Variants in KIAA1549 observed in about 807,000 individuals in gnomAD.
The protein encoded by KIAA1549 is UPF0606 protein KIAA1549.
KIAA1549 carries 70 observed loss-of-function variants against 156.4 expected under a neutral mutation model. The observed-to-expected ratio is 0.45, with a 90% CI of 0.37 to 0.55. KIAA1549 has a LOEUF of 0.55. Ranked by LOEUF, KIAA1549 falls within the 20% of genes least tolerant of loss-of-function variation. The probability of loss-of-function intolerance (pLI) is 0.00; values close to 1 mark genes in which losing one functional copy is unlikely to be tolerated. For missense variants in KIAA1549, 2,428 were observed against 2,540.9 expected, an observed-to-expected ratio of 0.96 and a Z score of 0.96; for synonymous variants, 1,103 against 1,066.4, an observed-to-expected ratio of 1.03 and a Z score of -0.67.
At chr7:138,908,943 C>T (rs749024787) in intron 5 of KIAA1549, 48 bp downstream of exon 5, 1 of 1,604,756 alleles carries the variant, frequency 6.2e-7, no homozygotes, top group South Asian at 1.1e-5. Flanking sequence ...GAACAATTTC[C>T]CCTTCAAGGG....
chr7:138,921,456 G>A (rs2130488140), intron 1 of KIAA1549, among the ~76,000 whole-genome samples: 1 of 152,280 alleles, frequency 6.6e-6, no homozygotes, highest in Non-Finnish European at 1.5e-5. Flanking sequence ...TGAAATCCCA[G>A]GACCTCACAA....
At chr7:138,884,497 A>G (rs1391600406) in intron 10 of KIAA1549, among the ~76,000 whole-genome samples, 2 of 152,246 alleles carry the variant, frequency 1.3e-5, no homozygotes, top group African/African-American at 4.8e-5. Context: ...AACCGAGATT[A>G]TAAGACAGAT....
intron 10 of KIAA1549, among the ~76,000 whole-genome samples, chr7:138,884,061 A>G (rs994299050): frequency 6.6e-6 from 1 of 152,178 alleles, no homozygotes; most frequent in Non-Finnish European, 1.5e-5. Context: ...AGAGGGGCTG[A>G]AGGTTAAGTT....
At chr7:138,932,817 G>A (rs952870679) in intron 1 of KIAA1549, among the ~76,000 whole-genome samples, 12 of 152,144 alleles carry the variant, frequency 7.9e-5, no homozygotes, top group Non-Finnish European at 1.6e-4. Flanking sequence ...ATGACCCCCA[G>A]GTAATTCATG....
At chr7:138,922,226 T>C (rs1229870303) in intron 1 of KIAA1549, among the ~76,000 whole-genome samples, 1 of 152,236 alleles carries the variant, frequency 6.6e-6, no homozygotes, top group Non-Finnish European at 1.5e-5. Context: ...TCCTAACAAC[T>C]GTATGCTTAG....
Position 138,840,285 on chromosome 7 carries a change from G to T in KIAA1549, c.5453-7C>A, listed in dbSNP as rs765046535. On this transcript the variant is annotated splice_region_variant and splice_polypyrimidine_tract_variant and intron_variant, in intron 18 of 19. Transcript: ENST00000422774. Reference sequence around the variant, plus strand: ...AGGTGCTGGATCTGGGAGCCTGGAAGGAACATGGTGGAGTGGCCTGGTCAA... The same window carrying T: ...AGGTGCTGGATCTGGGAGCCTGGAATGAACATGGTGGAGTGGCCTGGTCAA... 1 of 1,599,620 alleles carries T rather than the reference G, an allele frequency of 6.3e-7. No homozygotes were observed. Among genetic ancestry groups the T allele is most frequent in the Non-Finnish European group, 8.5e-7 (1 of 1,173,306 alleles).
rs1809758153 is a variant in KIAA1549, at chr7:138,837,614, A to G, written c.*292T>C. The stretch of plus-strand genomic sequence containing the variant: ...CTACCTTTAAAAAAGAGACGAATGC[A>G]GTCATTTTGTTAGCTTAGGTTTGTG... On this transcript the variant is annotated 3_prime_UTR_variant, in exon 20 of 20. Coordinates refer to ENST00000422774, the MANE Select transcript of KIAA1549 (RefSeq NM_001164665.2). The G allele has an allele frequency of 3.7e-6, 2 of 538,548 alleles. No homozygotes were observed. Among genetic ancestry groups the G allele is most frequent in the East Asian group, 5.9e-5 (2 of 33,934 alleles). 33.4% of individuals were successfully genotyped at this position (538,548 alleles called of 1,614,324 possible). A position where few individuals can be genotyped will look rare whatever the true frequency, so the allele number is the denominator to read the frequency against.
intron 19 of KIAA1549, 35 bp downstream of exon 19, chr7:138,840,098 A>C (rs1398184382): frequency 1.3e-6 from 2 of 1,535,134 alleles, no homozygotes; most frequent in East Asian, 4.9e-5. Flanking sequence ...CCTATGTCTA[A>C]ATTTTAAATG....
intron 12 of KIAA1549, among the ~76,000 whole-genome samples, chr7:138,871,792 T>C (rs559355670): frequency 6.6e-6 from 1 of 152,204 alleles, no homozygotes; most frequent in Non-Finnish European, 1.5e-5. Flanking sequence ...GCTGGAGTGA[T>C]ACAAATTCAG....
chr7:138,971,189 C>T (rs1264312593), intron 1 of KIAA1549, among the ~76,000 whole-genome samples: 3 of 152,194 alleles, frequency 2.0e-5, no homozygotes, highest in Non-Finnish European at 2.9e-5. Context: ...GGGCCCTTGC[C>T]ACTGCCTGGC....
intron 18 of KIAA1549, among the ~76,000 whole-genome samples, chr7:138,842,604 A>T (rs57046942): frequency 1.3e-5 from 2 of 152,026 alleles, no homozygotes; most frequent in African/African-American, 4.8e-5. Context: ...GAGGCAGGAG[A>T]ATCGCTTGAA....
At chr7:138,978,381 T>C (rs1584797894) in intron 1 of KIAA1549, among the ~76,000 whole-genome samples, 1 of 152,228 alleles carries the variant, frequency 6.6e-6, no homozygotes, top group Non-Finnish European at 1.5e-5. Context: ...GTTTTTATAC[T>C]GTGGATGGCT....
intron 1 of KIAA1549, among the ~76,000 whole-genome samples, chr7:138,944,751 T>C (rs1454074950): frequency 6.6e-6 from 1 of 152,052 alleles, no homozygotes; most frequent in Non-Finnish European, 1.5e-5. Flanking sequence ...TCAACACAGA[T>C]GAACCTTGAA....
At chr7:138,846,730 C>T (rs1301948433) in intron 17 of KIAA1549, among the ~76,000 whole-genome samples, 1 of 152,074 alleles carries the variant, frequency 6.6e-6, no homozygotes, top group Non-Finnish European at 1.5e-5. Flanking sequence ...GAGAACTTCA[C>T]CTTGAGAACC....
intron 1 of KIAA1549, among the ~76,000 whole-genome samples, chr7:138,927,321 G>A (rs1186724002): frequency 6.6e-6 from 1 of 152,208 alleles, no homozygotes; most frequent in Non-Finnish European, 1.5e-5. Context: ...ATGTACATGT[G>A]TAGATATGTA....
chr7:138,919,543 C>T, intron 1 of KIAA1549, 105 bp from the exon 2 acceptor site: 1 of 1,502,130 alleles, frequency 6.7e-7, no homozygotes, highest in East Asian at 2.3e-5. Context: ...CATCCATTCA[C>T]CATAAATATC....
chr7:138,833,648 TATATATAG>T lies in KIAA1549; in HGVS notation c.*4250_*4257del, dbSNP rs1466751986. ...TAGGTAGCAGTAAAGAAGCTGAATA[TATATATAG>T]ATAGATAGACAGATACATAGACAGA... On this transcript the variant is annotated 3_prime_UTR_variant, in exon 20 of 20. Transcript: ENST00000422774. The T allele has an allele frequency of 2.2e-5, 5 of 231,520 alleles. No homozygotes were observed. The highest frequency in any genetic ancestry group is 4.5e-5 in the African/African-American group (2 of 44,392). 14.3% of individuals were successfully genotyped at this position (231,520 alleles called of 1,614,324 possible). A position where few individuals can be genotyped will look rare whatever the true frequency, so the allele number is the denominator to read the frequency against.
intron 12 of KIAA1549, among the ~76,000 whole-genome samples, chr7:138,873,833 A>AT (rs1431732929): frequency 6.6e-6 from 1 of 151,750 alleles, no homozygotes; most frequent in Non-Finnish European, 1.5e-5. Context: ...AGGAGAGGAA[A>AT]TAAGAGGTGC....
intron 15 of KIAA1549, among the ~76,000 whole-genome samples, chr7:138,865,843 A>G (rs1356727388): frequency 3.9e-5 from 6 of 152,230 alleles, no homozygotes; most frequent in South Asian, 2.1e-4. Flanking sequence ...AAAATCAAAG[A>G]GAGGGGGACT....
Sources: allele counts gnomAD v4.1 joint callset (sites outside exome capture counted in the v4.1 genomes callset), GRCh38; gene constraint gnomAD v4.1.1; transcripts MANE v1.5; gene names NCBI Gene and HGNC (gene_info 2026-07-23, HGNC 2026-07-21).